Variants in ZNF804B observed in about 807,000 individuals in gnomAD.
ZNF804B encodes the protein zinc finger protein 804B.
A neutral mutation model predicts 101.4 loss-of-function variants in ZNF804B; 80 were observed. The observed-to-expected ratio is 0.79, with a 90% CI of 0.66 to 0.95. ZNF804B has a LOEUF of 0.95. Among genes scored for constraint, ZNF804B ranks in the 40% least tolerant of loss-of-function variants. The pLI is 0.00. For synonymous variants in ZNF804B, 622 were observed against 558.8 expected, an observed-to-expected ratio of 1.11 and a Z score of -1.59; for missense variants, 1,673 against 1,561.9, an observed-to-expected ratio of 1.07 and a Z score of -1.20.
At chr7:89,160,600 C>A (rs113162770) in intron 1 of ZNF804B, among the ~76,000 whole-genome samples, 2 of 152,084 alleles carry the variant, frequency 1.3e-5, no homozygotes, top group Non-Finnish European at 2.9e-5. Context: ...AAAGCTCTAC[C>A]ATATTTCATG....
At chr7:88,816,585 C>A (rs903561373) in intron 1 of ZNF804B, among the ~76,000 whole-genome samples, 1 of 151,038 alleles carries the variant, frequency 6.6e-6, no homozygotes, top group Non-Finnish European at 1.5e-5. Flanking sequence ...TATGAACAGA[C>A]ACTTCTCAAA....
chr7:88,905,021 G>A (rs1438754414), intron 1 of ZNF804B, among the ~76,000 whole-genome samples: 1 of 152,110 alleles, frequency 6.6e-6, no homozygotes, highest in Non-Finnish European at 1.5e-5. Flanking sequence ...TCCTTGTCTT[G>A]TTCCAGTTCT....
At chr7:89,220,351 G>A (rs1788985701) in intron 2 of ZNF804B, among the ~76,000 whole-genome samples, 1 of 151,484 alleles carries the variant, frequency 6.6e-6, no homozygotes, top group Non-Finnish European at 1.5e-5. Flanking sequence ...AATGACCTCA[G>A]AATATGTTAA....
intron 1 of ZNF804B, among the ~76,000 whole-genome samples, chr7:88,895,689 A>G (rs1173358715): frequency 6.6e-6 from 1 of 152,196 alleles, no homozygotes; most frequent in East Asian, 1.9e-4. Context: ...GGTACCAGAA[A>G]GTAAGGATGT....
chr7:89,137,248 T>C (rs2116387994), intron 1 of ZNF804B, among the ~76,000 whole-genome samples: 1 of 152,178 alleles, frequency 6.6e-6, no homozygotes, highest in South Asian at 2.1e-4. Flanking sequence ...AGGTGAAAGC[T>C]TTTTATTATG....
At chr7:89,162,543 T>C (rs1174785419) in intron 1 of ZNF804B, among the ~76,000 whole-genome samples, 1 of 151,964 alleles carries the variant, frequency 6.6e-6, no homozygotes, top group Non-Finnish European at 1.5e-5. Context: ...TACCTTTAAT[T>C]TTGTTCCTAA....
At chr7:89,218,960 T>A (rs867991592) in intron 2 of ZNF804B, among the ~76,000 whole-genome samples, 2 of 151,976 alleles carry the variant, frequency 1.3e-5, no homozygotes, top group Non-Finnish European at 2.9e-5. Flanking sequence ...AAAATCCACA[T>A]GTAAGTGGAC....
intron 2 of ZNF804B, among the ~76,000 whole-genome samples, chr7:89,235,538 T>C (rs1258606610): frequency 6.6e-6 from 1 of 152,192 alleles, no homozygotes; most frequent in Non-Finnish European, 1.5e-5. Flanking sequence ...AGATTCAATT[T>C]TGAATAACTA....
chr7:89,042,355 AG>A (rs1405422247), intron 1 of ZNF804B, among the ~76,000 whole-genome samples: 1 of 152,096 alleles, frequency 6.6e-6, no homozygotes, highest in African/African-American at 2.4e-5. Flanking sequence ...AACCAGTTTG[AG>A]GTGTTTCATG....
At chr7:88,929,066 T>G (rs778484309) in intron 1 of ZNF804B, among the ~76,000 whole-genome samples, 3 of 152,032 alleles carry the variant, frequency 2.0e-5, no homozygotes, top group African/African-American at 7.2e-5. Flanking sequence ...CCTCAGAATA[T>G]TTCCTGATTT....
chr7:89,114,954 G>A (rs1487955415), intron 1 of ZNF804B, among the ~76,000 whole-genome samples: 1 of 152,166 alleles, frequency 6.6e-6, no homozygotes, highest in African/African-American at 2.4e-5. Context: ...CGTTTATAGA[G>A]ACCATAACCA....
intron 1 of ZNF804B, among the ~76,000 whole-genome samples, chr7:88,942,497 A>AGTGTGTGT (rs1321713936): frequency 8.8e-6 from 1 of 113,124 alleles, no homozygotes; most frequent in African/African-American, 3.2e-5. Flanking sequence ...AAGATATTTG[A>AGTGTGTGT]GTGAGTGTGT....
At chr7:88,830,107 G>A (rs1791109681) in intron 1 of ZNF804B, among the ~76,000 whole-genome samples, 1 of 152,050 alleles carries the variant, frequency 6.6e-6, no homozygotes, top group Non-Finnish European at 1.5e-5. Context: ...GAATAAGAGG[G>A]AAAGAGAAAA....
intron 1 of ZNF804B, among the ~76,000 whole-genome samples, chr7:88,875,822 C>T (rs568049169): frequency 7.2e-5 from 11 of 152,244 alleles, no homozygotes; most frequent in African/African-American, 2.6e-4. Context: ...AGGCCAGCAT[C>T]GTCCTGATAC....
At chr7:89,158,686 A>G (rs1032257679) in intron 1 of ZNF804B, among the ~76,000 whole-genome samples, 2 of 152,220 alleles carry the variant, frequency 1.3e-5, no homozygotes, top group Non-Finnish European at 2.9e-5. Context: ...GTATGACCCC[A>G]AACTATTTTC....
intron 1 of ZNF804B, among the ~76,000 whole-genome samples, chr7:88,834,401 T>C (rs922295228): frequency 5.3e-5 from 8 of 151,792 alleles, no homozygotes; most frequent in African/African-American, 1.9e-4. Flanking sequence ...AATTCCAATA[T>C]AGTCTATACA....
chr7:89,213,026 C>T (rs953899890), intron 1 of ZNF804B, among the ~76,000 whole-genome samples: 1 of 152,172 alleles, frequency 6.6e-6, no homozygotes, highest in South Asian at 2.1e-4. Flanking sequence ...CCCCCTTAAT[C>T]TATTCTGAGA....
intron 1 of ZNF804B, among the ~76,000 whole-genome samples, chr7:89,065,692 G>T (rs1417073172): frequency 6.6e-6 from 1 of 152,098 alleles, no homozygotes; most frequent in Non-Finnish European, 1.5e-5. Flanking sequence ...TTCTGGTGGG[G>T]TTGGGGAGGG....
chr7:89,251,722 T>C (rs1050627409), intron 2 of ZNF804B, among the ~76,000 whole-genome samples: 1 of 152,104 alleles, frequency 6.6e-6, no homozygotes, highest in Non-Finnish European at 1.5e-5. Flanking sequence ...GAAAGACCAA[T>C]GGAACACAAT....
Sources: allele counts gnomAD v4.1 joint callset (sites outside exome capture counted in the v4.1 genomes callset), GRCh38; gene constraint gnomAD v4.1.1; transcripts MANE v1.5; gene names NCBI Gene and HGNC (gene_info 2026-07-23, HGNC 2026-07-21).